The following LDB2 variants were observed in gnomAD, a reference collection of about 807,000 sequenced individuals.
The protein encoded by LDB2 is LIM domain-binding protein 2.
In LDB2, 12 loss-of-function variants were observed where a neutral mutation model predicts 44.3. The ratio of observed to expected loss-of-function variants is 0.27; its 90% CI spans 0.17 to 0.44. The LOEUF is 0.44. Among genes scored for constraint, LDB2 ranks in the 20% least tolerant of loss-of-function variants. The pLI is 1.00. For synonymous variants in LDB2, 164 were observed against 174.8 expected (o/e 0.94, Z 0.49); for missense variants, 344 against 473.5 (o/e 0.73, Z 2.54).
chr4:16,838,396 G>A (rs1435091690), intron 1 of LDB2, among the ~76,000 whole-genome samples: 1 of 152,148 alleles, frequency 6.6e-6, no homozygotes, highest in Non-Finnish European at 1.5e-5. Context: ...CCATAGTTGT[G>A]TTGACATTTC....
At chr4:16,577,543 A>G (rs1712207497) in intron 5 of LDB2, among the ~76,000 whole-genome samples, 1 of 152,202 alleles carries the variant, frequency 6.6e-6, no homozygotes, top group Non-Finnish European at 1.5e-5. Flanking sequence ...AATGAAAACT[A>G]CAATGTATTG....
intron 5 of LDB2, among the ~76,000 whole-genome samples, chr4:16,577,109 C>T (rs1213301477): frequency 1.3e-5 from 2 of 152,128 alleles, no homozygotes; most frequent in South Asian, 4.1e-4. Context: ...ACATGACAGA[C>T]CTACAGCTGG....
chr4:16,771,826 C>T (rs539973396), intron 1 of LDB2, among the ~76,000 whole-genome samples: 28 of 152,222 alleles, frequency 1.8e-4, no homozygotes, highest in African/African-American at 3.1e-4. Flanking sequence ...TCTCAGCCCC[C>T]ACTCCTGTTC....
chr4:16,821,395 T>TG (rs199592097), intron 1 of LDB2, among the ~76,000 whole-genome samples: 2 of 150,108 alleles, frequency 1.3e-5, no homozygotes, highest in Non-Finnish European at 3.0e-5. Flanking sequence ...TTATTTTTTT[T>TG]TTTTTGGAGA....
At chr4:16,718,106 T>G (rs1349471786) in intron 2 of LDB2, among the ~76,000 whole-genome samples, 1 of 152,110 alleles carries the variant, frequency 6.6e-6, no homozygotes, top group Non-Finnish European at 1.5e-5. Context: ...TGAATTTTAT[T>G]GGTGGGGGGT....
chr4:16,826,436 C>T (rs1001949476), intron 1 of LDB2: 6 of 152,186 alleles, frequency 3.9e-5, no homozygotes, highest in African/African-American at 1.4e-4. Flanking sequence ...TTACCTGGGG[C>T]TCATCTACAT....
intron 2 of LDB2, among the ~76,000 whole-genome samples, chr4:16,631,751 G>A (rs969726147): frequency 1.5e-4 from 23 of 152,282 alleles, no homozygotes; most frequent in East Asian, 5.8e-4. Flanking sequence ...TGATAAAGGC[G>A]ATGTCACTAC....
At chr4:16,780,984 A>C (rs1773092478) in intron 1 of LDB2, among the ~76,000 whole-genome samples, 1 of 152,016 alleles carries the variant, frequency 6.6e-6, no homozygotes, top group Non-Finnish European at 1.5e-5. Flanking sequence ...CATGTTTTGA[A>C]TCCTTCTGGG....
intron 1 of LDB2, among the ~76,000 whole-genome samples, chr4:16,794,107 A>C (rs1041837598): frequency 6.6e-6 from 1 of 152,114 alleles, no homozygotes; most frequent in African/African-American, 2.4e-5. Context: ...TCTCTTATCA[A>C]AACAGGGCCT....
chr4:16,636,073 A>G (rs899876986), intron 2 of LDB2, among the ~76,000 whole-genome samples: 2 of 152,230 alleles, frequency 1.3e-5, no homozygotes, highest in African/African-American at 2.4e-5. Flanking sequence ...ATTGTTTTAT[A>G]TGAAGGCATA....
intron 2 of LDB2, among the ~76,000 whole-genome samples, chr4:16,620,182 G>A (rs896586547): frequency 1.3e-5 from 2 of 152,138 alleles, no homozygotes; most frequent in Non-Finnish European, 2.9e-5. Context: ...CCAAAACAGT[G>A]CCTGGCAGAG....
At chr4:16,800,057 C>T (rs930082117) in intron 1 of LDB2, among the ~76,000 whole-genome samples, 7 of 151,934 alleles carry the variant, frequency 4.6e-5, no homozygotes, top group South Asian at 2.1e-4. Flanking sequence ...GACTGAGGTC[C>T]GGGACGGGAA....
chr4:16,723,619 G>C (rs552995830), intron 2 of LDB2, among the ~76,000 whole-genome samples: 1 of 152,160 alleles, frequency 6.6e-6, no homozygotes, highest in East Asian at 1.9e-4. Context: ...CCTCCAAACT[G>C]TCTTCTCTTG....
intron 7 of LDB2, chr4:16,503,076 C>T (rs758349574): frequency 4.6e-6 from 7 of 1,537,860 alleles, no homozygotes; most frequent in Admixed American, 2.0e-5. Flanking sequence ...AACAACCACG[C>T]GAGTTTATGT....
chr4:16,640,143 C>T (rs1193401941), intron 2 of LDB2, among the ~76,000 whole-genome samples: 2 of 152,216 alleles, frequency 1.3e-5, no homozygotes, highest in Non-Finnish European at 2.9e-5. Context: ...AGTTGGAATG[C>T]ATTACCCAAT....
rs1050718913 is a variant in LDB2, at chr4:16,542,111, G to T, written c.616-30007C>A. Among the ~76,000 whole-genome samples, 2 of 146,090 alleles carry T rather than the reference G, an allele frequency of 1.4e-5. 1 individual carries two copies. The highest frequency in any genetic ancestry group is 3.0e-5 in the Non-Finnish European group (2 of 66,206). On this transcript the variant is annotated intron_variant, in intron 5 of 7. Coordinates refer to ENST00000304523, the MANE Select transcript of LDB2 (RefSeq NM_001290.5). ...AATTACATCAGGTGGTGGGGGGGGG[G>T]GCGCGAGCAGGAGGGCATAAGAAGG...
intron 1 of LDB2, among the ~76,000 whole-genome samples, chr4:16,847,351 A>C (rs1484781341): frequency 6.6e-6 from 1 of 152,182 alleles, no homozygotes; most frequent in African/African-American, 2.4e-5. Flanking sequence ...CAATTACTCA[A>C]TACTGTTGGA....
intron 2 of LDB2, among the ~76,000 whole-genome samples, chr4:16,612,535 C>T (rs1204989561): frequency 2.7e-4 from 41 of 152,228 alleles, no homozygotes; most frequent in Non-Finnish European, 1.2e-4. Flanking sequence ...GGGATATAAA[C>T]ACTGACACCA....
rs1004611484 is a variant in LDB2, at chr4:16,898,630, A to C, written c.-145T>G. The C allele has an allele frequency of 3.8e-6, 2 of 523,392 alleles. No individual in the cohort carries two copies. The highest frequency in any genetic ancestry group is 6.1e-6 in the Non-Finnish European group (2 of 330,492). The allele number at this position is 523,392 out of a possible 1,614,324, so 32.4% of individuals were successfully genotyped here. ...AGGCAGGCAGGCAGGCAGGCTGAAC[A>C]CGCTGGCTGGGAACTGCTGTCGGAG... is the stretch of plus-strand genomic sequence containing the variant. On this transcript the variant is annotated 5_prime_UTR_variant, in exon 1 of 8. Coordinates refer to ENST00000304523, the MANE Select transcript of LDB2 (RefSeq NM_001290.5).
Sources: allele counts gnomAD v4.1 joint callset (sites outside exome capture counted in the v4.1 genomes callset), GRCh38; gene constraint gnomAD v4.1.1; transcripts MANE v1.5; gene names NCBI Gene and HGNC (gene_info 2026-07-23, HGNC 2026-07-21).